Variants in MRTFB observed in about 807,000 individuals in gnomAD.
The protein encoded by MRTFB is myocardin related transcription factor B, also known as myocardin-related transcription factor B.
In MRTFB, 29 loss-of-function variants were observed where a neutral mutation model predicts 104.2. The ratio of observed to expected loss-of-function variants is 0.28; its 90% CI spans 0.21 to 0.38. MRTFB has a LOEUF of 0.38. Ranked by LOEUF, MRTFB falls within the 10% of genes least tolerant of loss-of-function variation. MRTFB has a pLI of 1.00. For missense variants in MRTFB, 1,270 were observed against 1,341.6 expected, an observed-to-expected ratio of 0.95 and a Z score of 0.83; for synonymous variants, 535 against 519.5, an observed-to-expected ratio of 1.03 and a Z score of -0.41.
chr16:14,046,394 T>A, the MRTFB span, among the ~76,000 whole-genome samples: 1 of 152,082 alleles, frequency 6.6e-6, no homozygotes, highest in Non-Finnish European at 1.5e-5. Context: ...TTGTAGCCCA[T>A]CCCCCTACAA....
intron 1 of MRTFB, among the ~76,000 whole-genome samples, chr16:14,072,507 A>G (rs1302240408): frequency 2.6e-5 from 4 of 152,206 alleles, no homozygotes; most frequent in Non-Finnish European, 5.9e-5. Flanking sequence ...CAATATAGCG[A>G]GATCCCACCT....
At chr16:14,021,340 C>G in the MRTFB span, among the ~76,000 whole-genome samples, 1 of 152,220 alleles carries the variant, frequency 6.6e-6, no homozygotes, top group Non-Finnish European at 1.5e-5. Flanking sequence ...AGCCTGCATT[C>G]TTTCTTATGC....
the MRTFB span, among the ~76,000 whole-genome samples, chr16:14,023,905 GCCAGGCATGATGGTGCA>G: frequency 6.6e-6 from 1 of 152,140 alleles, no homozygotes; most frequent in South Asian, 2.1e-4. Context: ...GCAAAACTTA[GCCAGGCATGATGGTGCA>G]CACCTGTAAT....
intron 3 of MRTFB, among the ~76,000 whole-genome samples, chr16:14,202,202 A>G (rs1159902822): frequency 6.6e-6 from 1 of 152,062 alleles, no homozygotes; most frequent in Non-Finnish European, 1.5e-5. Context: ...TGACACATAT[A>G]CTTCCTTTGC....
chr16:14,084,410 C>T lies in MRTFB; in HGVS notation c.-64+5056C>T, dbSNP rs140194702. 8.5e-4 allele frequency among the ~76,000 whole-genome samples: 130 copies of T among 152,214 alleles called. 1 individual carries two copies. In the East Asian group the frequency reaches 0.024, roughly 28 times the overall value. On this transcript the variant is annotated intron_variant, in intron 2 of 16. Transcript: ENST00000571589. Reference sequence around the variant, plus strand: ...GCAAAATTAGCTGGGCATGGTGGCTCACACCTGTAGTCCCAGGTGTTCAGG... The same window carrying T: ...GCAAAATTAGCTGGGCATGGTGGCTTACACCTGTAGTCCCAGGTGTTCAGG...
chr16:14,116,419 C>T (rs946247840), intron 2 of MRTFB, among the ~76,000 whole-genome samples: 7 of 152,128 alleles, frequency 4.6e-5, no homozygotes, highest in African/African-American at 1.4e-4. Flanking sequence ...AATTATGTTA[C>T]TAATTCTCTG....
At chr16:14,163,539 A>G (rs910357534) in intron 3 of MRTFB, among the ~76,000 whole-genome samples, 3 of 152,166 alleles carry the variant, frequency 2.0e-5, no homozygotes, top group Non-Finnish European at 2.9e-5. Context: ...TATTGCACTT[A>G]ACAAACTTTT....
At chr16:14,160,898 A>G (rs2039005981) in intron 3 of MRTFB, among the ~76,000 whole-genome samples, 1 of 152,048 alleles carries the variant, frequency 6.6e-6, no homozygotes, top group South Asian at 2.1e-4. Flanking sequence ...CTTCTGGCAC[A>G]AGATATTTCA....
At chr16:14,099,329 A>G (rs2035567423) in intron 2 of MRTFB, among the ~76,000 whole-genome samples, 1 of 151,374 alleles carries the variant, frequency 6.6e-6, no homozygotes, top group South Asian at 2.1e-4. Context: ...TGGTGTTATT[A>G]AAATAGTATT....
chr16:14,214,991 G>T (rs893517964), intron 6 of MRTFB: 3 of 152,282 alleles, frequency 2.0e-5, no homozygotes, highest in African/African-American at 7.2e-5. Flanking sequence ...ACCAGTCAGG[G>T]ATAAGTGAAT....
rs533959326 is a variant in MRTFB, at chr16:14,108,828, CA to C, written c.-64+29477del. Among the ~76,000 whole-genome samples the C allele has an allele frequency of 9.2e-5, 14 of 152,286 alleles. No individual in the cohort carries two copies. In the East Asian group the frequency reaches 2.7e-3, roughly 29 times the overall value. The stretch of plus-strand genomic sequence containing the variant: ...ATGATGATAGCAGCAACTTCACCAA[CA>C]AAGAAAACCTTTCCCCCATCGTCTC... On this transcript the variant is annotated intron_variant, in intron 2 of 16. Transcript: ENST00000571589.
chr16:14,125,952 A>G (rs1354677305), intron 2 of MRTFB, among the ~76,000 whole-genome samples: 1 of 152,230 alleles, frequency 6.6e-6, no homozygotes, highest in Non-Finnish European at 1.5e-5. Context: ...CAGAAATTGT[A>G]ACCCTGAATA....
chr16:14,260,649 G>A (rs2043733728), intron 16 of MRTFB, among the ~76,000 whole-genome samples: 1 of 152,062 alleles, frequency 6.6e-6, no homozygotes, highest in East Asian at 1.9e-4. Context: ...GTAATAAACT[G>A]GTCTTGGACA....
intron 16 of MRTFB, among the ~76,000 whole-genome samples, chr16:14,260,159 T>C (rs1268895266): frequency 6.6e-6 from 1 of 152,160 alleles, no homozygotes; most frequent in East Asian, 1.9e-4. Flanking sequence ...ATCATCAAAA[T>C]TTTATATAAG....
intron 2 of MRTFB, among the ~76,000 whole-genome samples, chr16:14,080,345 A>C (rs2034323590): frequency 6.6e-6 from 1 of 152,112 alleles, no homozygotes; most frequent in South Asian, 2.1e-4. Context: ...TTTTTTCCAA[A>C]TTTATTTATT....
chr16:14,076,662 A>G (rs770677673), intron 1 of MRTFB, among the ~76,000 whole-genome samples: 3 of 152,218 alleles, frequency 2.0e-5, no homozygotes, highest in Non-Finnish European at 4.4e-5. Context: ...TGTGGGATAC[A>G]TTCCTAGAGG....
At chr16:14,047,636 C>G in the MRTFB span, among the ~76,000 whole-genome samples, 1 of 152,146 alleles carries the variant, frequency 6.6e-6, no homozygotes, top group East Asian at 1.9e-4. Context: ...TGGCAGCAGG[C>G]AGGAGAGACT....
Position 14,251,971 on chromosome 16 carries a change from C to T in MRTFB, c.2513C>T (p.Ser838Phe). 1 of 1,614,208 alleles carries T rather than the reference C, an allele frequency of 6.2e-7. No homozygotes were observed. The highest frequency in any genetic ancestry group is 2.2e-5 in the East Asian group (1 of 44,884). The change falls in exon 14 of 17, where the codon TCC (serine) becomes TTC (phenylalanine). Residue 838 changes from serine to phenylalanine, a missense_variant. Coordinates refer to ENST00000571589, the MANE Select transcript of MRTFB (RefSeq NM_001308142.2). ...INKASNSVLQ[S>F]RNAPLPSLQN... ...AAGGCCTCCAACAGTGTTCTTCAAT[C>T]CAGAAATGCTCCGCTTCCATCCCTG...
At chr16:14,144,281 C>T (rs1597056806) in intron 3 of MRTFB, 2 of 152,234 alleles carry the variant, frequency 1.3e-5, no homozygotes, top group East Asian at 1.9e-4. Context: ...TAAATGACTT[C>T]AGGAAGTTAT....
Sources: gnomAD v4.1 joint callset for allele counts (sites outside exome capture counted in the v4.1 genomes callset) on GRCh38, gnomAD v4.1.1 for gene constraint, MANE v1.5 for transcripts, NCBI Gene and HGNC (gene_info 2026-07-23, HGNC 2026-07-21) for gene names.